The following ANKRD55 variants were observed in gnomAD, a reference collection of about 807,000 sequenced individuals.
The protein encoded by ANKRD55 is ankyrin repeat domain 55.
Under a neutral mutation model 60.6 loss-of-function variants are expected in ANKRD55, and 41 were observed. The observed-to-expected ratio is 0.68, with a 90% confidence interval of 0.53 to 0.88. The LOEUF is 0.88. Ranked by LOEUF, ANKRD55 falls within the 40% of genes least tolerant of loss-of-function variation. ANKRD55 has a pLI of 0.00. For synonymous variants in ANKRD55, 264 were observed against 290.3 expected (o/e 0.91, Z 0.92); for missense variants, 732 against 767.6 (o/e 0.95, Z 0.55).
intron 7 of ANKRD55, chr5:56,137,180 C>T (rs184345749): frequency 1.1e-4 from 175 of 1,595,640 alleles, no homozygotes; most frequent in Middle Eastern, 8.2e-4. Context: ...GTGGAGTTGG[C>T]AAGTGTGCCC....
intron 10 of ANKRD55, among the ~76,000 whole-genome samples, chr5:56,109,544 T>G (rs1403659933): frequency 6.6e-6 from 1 of 151,916 alleles, no homozygotes; most frequent in Non-Finnish European, 1.5e-5. Context: ...ATCTTTTTTT[T>G]TTTTTCTGTA....
chr5:56,102,727 C>A, intron 10 of ANKRD55, 141 bp from the exon 11 acceptor site: 1 of 588,272 alleles, frequency 1.7e-6, no homozygotes, highest in Admixed American at 2.9e-5. Context: ...ACAATGATAG[C>A]TACACTTTAT....
chr5:56,159,983 C>T (rs1018522023), intron 5 of ANKRD55, 90 bp from the exon 6 acceptor site: 33 of 1,143,212 alleles, frequency 2.9e-5, no homozygotes, highest in South Asian at 1.6e-4. Flanking sequence ...TTAGAAAAAC[C>T]GTCAGTTGAA....
chr5:56,229,711 C>A (rs549902729), intron 2 of ANKRD55, among the ~76,000 whole-genome samples: 53 of 152,234 alleles, frequency 3.5e-4, no homozygotes, highest in African/African-American at 1.2e-3. Flanking sequence ...CTCGTTGGAG[C>A]CCTGAAGGTC....
At chr5:56,198,936 C>T (rs371208158) in intron 2 of ANKRD55, among the ~76,000 whole-genome samples, 137 of 151,934 alleles carry the variant, frequency 9.0e-4, no homozygotes, top group Admixed American at 2.2e-3. Context: ...AAAATTTAGC[C>T]GGGCGTGGTG....
At position 56,111,757 on chromosome 5, in the gene ANKRD55, AG is replaced by A. The variant is rs759482707; in HGVS notation, c.990del (p.Ser331ProfsTer117). On this transcript the variant is annotated frameshift_variant, in exon 10 of 12. Coordinates refer to ENST00000341048, the MANE Select transcript of ANKRD55 (RefSeq NM_024669.3). LOFTEE classifies it high-confidence loss of function. ...ESRTEPTRPP[P>X]SQSSRPQKKE... ...TTCTTCTGGGGCCGACTGCTCTGGG[AG>A]GGAGGGGGTCGAGTAGGCTCTGTTC... 1 of 1,513,314 alleles carries A rather than the reference AG, an allele frequency of 6.6e-7. No individual in the cohort carries two copies. The highest frequency in any genetic ancestry group is 1.4e-5 in the African/African-American group (1 of 71,554). The allele number at this position is 1,513,314 out of a possible 1,614,324, so 93.7% of individuals were successfully genotyped here.
intron 2 of ANKRD55, among the ~76,000 whole-genome samples, chr5:56,197,165 C>A (rs1759246995): frequency 6.6e-6 from 1 of 152,140 alleles, no homozygotes; most frequent in African/African-American, 2.4e-5. Flanking sequence ...TCCAGGATCA[C>A]ATAATATTAA....
chr5:56,228,426 A>C (rs1319670716), intron 2 of ANKRD55, among the ~76,000 whole-genome samples: 3 of 146,358 alleles, frequency 2.0e-5, no homozygotes, highest in Non-Finnish European at 4.5e-5. Context: ...CCCCCAGCTG[A>C]CTTTTTTTTT....
At chr5:56,143,993 C>A (rs1757836863) in intron 6 of ANKRD55, 64 bp from the exon 7 acceptor site, 1 of 1,606,356 alleles carries the variant, frequency 6.2e-7, no homozygotes, top group Non-Finnish European at 8.5e-7. Flanking sequence ...AACTGGAGCT[C>A]ACACTTTCTC....
At chr5:56,153,502 T>C (rs1758106917) in intron 6 of ANKRD55, among the ~76,000 whole-genome samples, 3 of 151,634 alleles carry the variant, frequency 2.0e-5, no homozygotes, top group Admixed American at 1.3e-4. Context: ...GCAAAATAAA[T>C]GGGGGTATTT....
intron 7 of ANKRD55, among the ~76,000 whole-genome samples, chr5:56,143,327 G>T (rs187102062): frequency 1.2e-3 from 186 of 152,266 alleles, no homozygotes; most frequent in African/African-American, 4.2e-3. Flanking sequence ...TGATTTGTTT[G>T]GTTGTGTGTA....
chr5:56,187,545 C>T (rs1211272820), intron 2 of ANKRD55, among the ~76,000 whole-genome samples: 1 of 152,282 alleles, frequency 6.6e-6, no homozygotes, highest in East Asian at 1.9e-4. Context: ...GCTCACTGTC[C>T]ACCACTGCTG....
intron 2 of ANKRD55, among the ~76,000 whole-genome samples, chr5:56,213,289 T>G (rs1759721742): frequency 6.6e-6 from 1 of 152,184 alleles, no homozygotes; most frequent in Admixed American, 6.5e-5. Flanking sequence ...AAGAATATAT[T>G]TAAGTATTTG....
At chr5:56,166,095 T>TTTCTTTCTTTCTTTC (rs1561277598) in intron 5 of ANKRD55, among the ~76,000 whole-genome samples, 14 of 27,252 alleles carry the variant, frequency 5.1e-4, no homozygotes, top group Non-Finnish European at 1.0e-3. Flanking sequence ...TTTTTCTTTC[T>TTTCTTTCTTTCTTTC]TTCTTTCTTT....
chr5:56,138,475 C>T lies in ANKRD55; in HGVS notation c.612+5326G>A, dbSNP rs115194245. 1.6e-3 allele frequency among the ~76,000 whole-genome samples: 237 copies of T among 152,242 alleles called. 1 individual carries two copies. Among genetic ancestry groups the T allele is most frequent in the African/African-American group, 5.5e-3 (228 of 41,554 alleles). On this transcript the variant is annotated intron_variant, in intron 7 of 11. Coordinates refer to ENST00000341048, the MANE Select transcript of ANKRD55 (RefSeq NM_024669.3). ...AAACATACCCTTATCATAGATCCAG[C>T]AACTGTGCTCCTTGATATTTACCCA...
At chr5:56,211,293 CA>C (rs1759667430) in intron 2 of ANKRD55, among the ~76,000 whole-genome samples, 1 of 152,214 alleles carries the variant, frequency 6.6e-6, no homozygotes, top group African/African-American at 2.4e-5. Flanking sequence ...AGGACCGTTT[CA>C]ATGCCTGAGT....
intron 7 of ANKRD55, chr5:56,136,925 A>T (rs921351977): frequency 1.4e-5 from 6 of 423,058 alleles, no homozygotes; most frequent in African/African-American, 1.0e-4. Flanking sequence ...CTAAAATTAT[A>T]TAAGAATTCC....
At chr5:56,196,560 TAGTA>T (rs1309570901) in intron 2 of ANKRD55, among the ~76,000 whole-genome samples, 1 of 152,242 alleles carries the variant, frequency 6.6e-6, no homozygotes, top group Non-Finnish European at 1.5e-5. Flanking sequence ...TTCACAAGGC[TAGTA>T]AGTAACAGAG....
chr5:56,170,900 G>A, intron 4 of ANKRD55, 97 bp from the exon 5 acceptor site: 1 of 1,100,688 alleles, frequency 9.1e-7, no homozygotes, highest in Admixed American at 2.1e-5. Flanking sequence ...CTCTGGTTTG[G>A]TTAAAAACAT....
Sources: allele counts gnomAD v4.1 joint callset (sites outside exome capture counted in the v4.1 genomes callset), GRCh38; gene constraint gnomAD v4.1.1; transcripts MANE v1.5; gene names NCBI Gene and HGNC (gene_info 2026-07-23, HGNC 2026-07-21).